The following AGO2 variants were observed in gnomAD, a reference collection of about 807,000 sequenced individuals.
The protein encoded by AGO2 is argonaute RISC catalytic component 2.
Under a neutral mutation model 102.3 loss-of-function variants are expected in AGO2, and 5 were observed. That is an observed-to-expected ratio of 0.05 (90% confidence interval 0.03 to 0.10). The LOEUF is 0.10. Ranked by LOEUF, AGO2 falls within the 10% of genes least tolerant of loss-of-function variation. AGO2 has a pLI of 1.00. For synonymous variants in AGO2, 449 were observed against 473.1 expected, an observed-to-expected ratio of 0.95 and a Z score of 0.66; for missense variants, 541 against 1,183.7, an observed-to-expected ratio of 0.46 and a Z score of 7.97.
chr8:140,577,925 C>T (rs577703105), intron 2 of AGO2, among the ~76,000 whole-genome samples: 1 of 152,354 alleles, frequency 6.6e-6, no homozygotes, highest in South Asian at 2.1e-4. Context: ...ACACCCAGCA[C>T]GGCGTGCGGC....
chr8:140,584,616 G>A (rs1291997226), intron 2 of AGO2, among the ~76,000 whole-genome samples: 2 of 152,166 alleles, frequency 1.3e-5, no homozygotes, highest in East Asian at 1.9e-4. Flanking sequence ...AACAGACTAC[G>A]AAATAGGCAA....
chr8:140,576,890 C>T lies in AGO2; in HGVS notation c.216-3958G>A, dbSNP rs74460756. Among the ~76,000 whole-genome samples, 9 of 152,256 alleles carry T rather than the reference C, an allele frequency of 5.9e-5. No individual in the cohort carries two copies. The East Asian group carries it at 1.2e-3, about 20-fold the overall frequency. Reference sequence around the variant, plus strand: ...TGCAATACTTGAATCCACCGCTACACGCAACACGACGGGTGTCTTAGAAAC... The same window carrying T: ...TGCAATACTTGAATCCACCGCTACATGCAACACGACGGGTGTCTTAGAAAC... On this transcript the variant is annotated intron_variant, in intron 2 of 18. Transcript: ENST00000220592.
intron 11 of AGO2, among the ~76,000 whole-genome samples, chr8:140,550,683 C>T (rs555845151): frequency 2.4e-4 from 37 of 152,272 alleles, no homozygotes; most frequent in African/African-American, 8.2e-4. Context: ...ATGGTGTGAT[C>T]TAGGCTCACT....
intron 1 of AGO2, among the ~76,000 whole-genome samples, chr8:140,601,328 G>T (rs1244444322): frequency 6.6e-6 from 1 of 152,202 alleles, no homozygotes; most frequent in Non-Finnish European, 1.5e-5. Flanking sequence ...TGACTGGCTT[G>T]TTAAAAACGG....
At chr8:140,620,221 A>G (rs969757254) in intron 1 of AGO2, among the ~76,000 whole-genome samples, 2 of 152,152 alleles carry the variant, frequency 1.3e-5, no homozygotes, top group Non-Finnish European at 1.5e-5. Context: ...GTGAGCATGG[A>G]CTATCCAGAA....
At chr8:140,632,638 G>A (rs1191114057) in intron 1 of AGO2, among the ~76,000 whole-genome samples, 2 of 152,118 alleles carry the variant, frequency 1.3e-5, no homozygotes, top group African/African-American at 2.4e-5. Flanking sequence ...ACCTTTAAAT[G>A]GTTAAAAAAC....
chr8:140,558,364 G>A, intron 7 of AGO2, 121 bp downstream of exon 7: 1 of 1,112,372 alleles, frequency 9.0e-7, no homozygotes. Flanking sequence ...TTTTGGGATT[G>A]AAAAACAGCA....
chr8:140,550,325 G>A (rs990279043), intron 11 of AGO2, among the ~76,000 whole-genome samples: 1 of 152,206 alleles, frequency 6.6e-6, no homozygotes, highest in Non-Finnish European at 1.5e-5. Context: ...ACAGAGCGGG[G>A]AAGCAAAGAC....
At chr8:140,563,633 C>G (rs959403710) in intron 3 of AGO2, among the ~76,000 whole-genome samples, 1 of 152,230 alleles carries the variant, frequency 6.6e-6, no homozygotes, top group Non-Finnish European at 1.5e-5. Flanking sequence ...GGATCTGGAC[C>G]CCGAAGGCCT....
At chr8:140,584,924 G>A (rs6985156) in intron 2 of AGO2, among the ~76,000 whole-genome samples, 195 bp downstream of exon 2, 14,060 of 151,918 alleles carry the variant, frequency 0.093, 729 homozygotes, top group Non-Finnish European at 0.12. Context: ...CAAAAACTTG[G>A]TATATATTTA....
rs765648110 is a variant in AGO2, at chr8:140,539,462, T to C, written c.2035-8A>G. 7.5e-6 allele frequency: 12 copies of C among 1,608,202 alleles called. No individual in the cohort carries two copies. In the Middle Eastern group the frequency reaches 5.0e-4, roughly 67 times the overall value. On this transcript the variant is annotated splice_region_variant and splice_polypyrimidine_tract_variant and intron_variant, in intron 15 of 18. Transcript: ENST00000220592. This position sits in a 1 kb window ranked among gnomAD's most constrained non-coding sequence, Gnocchi z 4.7. Reference sequence around the variant, plus strand: ...CAACTCGTGGTGGAGAACCTAGGGGTACGGGAGGGAGGAGGTTGTGCTTAA... The same window carrying C: ...CAACTCGTGGTGGAGAACCTAGGGGCACGGGAGGGAGGAGGTTGTGCTTAA...
At chr8:140,630,730 T>G (rs1292066562) in intron 1 of AGO2, among the ~76,000 whole-genome samples, 1 of 152,170 alleles carries the variant, frequency 6.6e-6, no homozygotes, top group Non-Finnish European at 1.5e-5. Flanking sequence ...CACAAGAGCC[T>G]CCAGTTATCT....
rs1267244737 is a variant in AGO2 at position 140,549,271 on chromosome 8, G to T, written c.1431C>A (p.Ile477=). ...GGATGGGCATGCCGGCGTCTCTCGA[G>T]ATCTTTCTGAGCTGCTCTGTGAAGG... ...LKSFTEQLRK[I]SRDAGMPIQG... is the part of the protein sequence containing the mutation. Residue 477 remains isoleucine, a synonymous_variant, in exon 12 of 19, where the codon ATC becomes ATA. Coordinates refer to ENST00000220592, the MANE Select transcript of AGO2 (RefSeq NM_012154.5). 2.5e-6 allele frequency: 4 copies of T among 1,610,680 alleles called. No individual in the cohort carries two copies. The highest frequency in any genetic ancestry group is 1.7e-4 in the Middle Eastern group (1 of 6,060).
chr8:140,540,459 G>A lies in AGO2; in HGVS notation c.2034+705C>T, dbSNP rs532766209. On this transcript the variant is annotated intron_variant, in intron 15 of 18. Transcript: ENST00000220592. The surrounding 1 kb of genome is among the most constrained non-coding windows in gnomAD (Gnocchi z 5.0). ...GCATGGCGAGGGGTGGGGAGGAATC[G>A]GCTCTAGCCAACGGGAGAAACATTC... Among the ~76,000 whole-genome samples the A allele has an allele frequency of 2.6e-4, 40 of 152,326 alleles. No individual in the cohort carries two copies. The highest frequency in any genetic ancestry group is 8.9e-4 in the African/African-American group (37 of 41,578).
intron 12 of AGO2, 108 bp from the exon 13 acceptor site, chr8:140,547,735 C>T: frequency 2.1e-6 from 3 of 1,459,816 alleles, no homozygotes; most frequent in Non-Finnish European, 2.7e-6. Context: ...CAAGTGCAGC[C>T]ATGGCAGCTG....
At chr8:140,548,966 C>G (rs2132903642) in intron 12 of AGO2, 148 bp downstream of exon 12, 1 of 986,264 alleles carries the variant, frequency 1.0e-6, no homozygotes, top group Non-Finnish European at 1.4e-6. Context: ...GCAGTGATGA[C>G]AAGCCACCTC....
At position 140,553,535 on chromosome 8, in the gene AGO2, G is replaced by A. The variant is rs535617340; in HGVS notation, c.1270-2099C>T. On this transcript the variant is annotated intron_variant, in intron 10 of 18. Transcript: ENST00000220592. ...AGCGATTCTCCTGACTCAGCCTCCC[G>A]AGTAGCTGGGATTACAGGCATAGGC... Among the ~76,000 whole-genome samples the A allele has an allele frequency of 4.7e-5, 7 of 150,370 alleles. No homozygotes were observed. The South Asian group carries it at 8.5e-4, about 18-fold the overall frequency.
At position 140,567,048 on chromosome 8, in the gene AGO2, G is replaced by T. The variant is rs2073299497; in HGVS notation, c.337-4414C>A. Among the ~76,000 whole-genome samples, 1 of 152,252 alleles carries T rather than the reference G, an allele frequency of 6.6e-6. No homozygotes were observed. Among genetic ancestry groups the T allele is most frequent in the African/African-American group, 2.4e-5 (1 of 41,468 alleles). ...GCCTACAGTGCTGTGCCCTGGCACG[G>T]ATCGGATGCCTGTCAATGCCACCTT... On this transcript the variant is annotated intron_variant, in intron 3 of 18. Transcript: ENST00000220592. This position sits in a 1 kb window ranked among gnomAD's most constrained non-coding sequence, Gnocchi z 5.0.
At chr8:140,600,262 C>T (rs1018871335) in intron 1 of AGO2, among the ~76,000 whole-genome samples, 2 of 152,248 alleles carry the variant, frequency 1.3e-5, no homozygotes, top group Non-Finnish European at 2.9e-5. Flanking sequence ...GAAGTCTACT[C>T]GAAAGATGTG....
Sources: gnomAD v4.1 joint callset for allele counts (sites outside exome capture counted in the v4.1 genomes callset) on GRCh38, gnomAD v4.1.1 for gene constraint, Gnocchi (gnomAD v3.1) non-coding constraint, MANE v1.5 for transcripts, NCBI Gene and HGNC (gene_info 2026-07-23, HGNC 2026-07-21) for gene names.